ATP6V1C1: variants seen among roughly 807,000 people sequenced by gnomAD.
ATP6V1C1 encodes V-type proton ATPase subunit C 1.
In ATP6V1C1, 45 loss-of-function variants were observed where a neutral mutation model predicts 53.9. The observed-to-expected ratio is 0.83, with a 90% CI of 0.66 to 1.07. The LOEUF (loss-of-function observed/expected upper bound fraction) is 1.07. ATP6V1C1 is among the 50% of genes least tolerant of loss of function. ATP6V1C1 has a pLI of 0.00. For missense variants in ATP6V1C1, 315 were observed against 440.3 expected (o/e 0.72, Z 2.55); for synonymous variants, 153 against 155.2 (o/e 0.99, Z 0.11).
rs751801442 is a variant in ATP6V1C1, at chr8:103,067,396, CAA to C, written c.1053+968_1053+969del. Among the ~76,000 whole-genome samples, 308 of 71,924 alleles carry C rather than the reference CAA, an allele frequency of 4.3e-3. 1 individual carries two copies. Among genetic ancestry groups the C allele is most frequent in the Non-Finnish European group, 7.3e-3 (249 of 34,052 alleles). The allele number at this position is 71,924 out of a possible 152,430, so 47.2% of individuals were successfully genotyped here. ...TGGGTGACAGAGGGAGACTCCGTCCCAAAAAAAAAAAAAAAAAAAATTGTAGT... is the reference window on the plus strand; with the variant it reads ...TGGGTGACAGAGGGAGACTCCGTCCCAAAAAAAAAAAAAAAAAATTGTAGT... On this transcript the variant is annotated intron_variant, in intron 12 of 12. Coordinates refer to ENST00000518738, the MANE Select transcript of ATP6V1C1 (RefSeq NM_001695.5).
chr8:103,030,371 CAG>C (rs1226751839), intron 1 of ATP6V1C1, among the ~76,000 whole-genome samples: 7 of 152,206 alleles, frequency 4.6e-5, no homozygotes, highest in African/African-American at 1.7e-4. Context: ...TAGAAACAAT[CAG>C]AACAATTAGA....
chr8:103,051,561 C>T (rs1003956715), intron 5 of ATP6V1C1, among the ~76,000 whole-genome samples: 1 of 151,808 alleles, frequency 6.6e-6, no homozygotes, highest in Non-Finnish European at 1.5e-5. Flanking sequence ...ATTCTCTGAC[C>T]CCTTCGGACT....
At chr8:103,034,477 C>T (rs189578907) in intron 1 of ATP6V1C1, among the ~76,000 whole-genome samples, 102 of 152,134 alleles carry the variant, frequency 6.7e-4, no homozygotes, top group Admixed American at 1.3e-3. Flanking sequence ...AATATGGATT[C>T]CATTTTCCGA....
chr8:103,037,862 A>G (rs1351058186), intron 1 of ATP6V1C1, among the ~76,000 whole-genome samples: 2 of 152,154 alleles, frequency 1.3e-5, no homozygotes, highest in African/African-American at 2.4e-5. Flanking sequence ...TCTCCTATGC[A>G]TATTTTAGTA....
intron 1 of ATP6V1C1, among the ~76,000 whole-genome samples, chr8:103,025,719 A>G (rs921119169): frequency 1.3e-5 from 2 of 152,200 alleles, no homozygotes; most frequent in Non-Finnish European, 2.9e-5. Flanking sequence ...GGGGGTGGTG[A>G]TAACACATCT....
chr8:103,067,294 G>T (rs111934342), intron 12 of ATP6V1C1, among the ~76,000 whole-genome samples: 12,443 of 151,180 alleles, frequency 0.082, 682 homozygotes, highest in Non-Finnish European at 0.11. Flanking sequence ...AGCTACTCGG[G>T]AGCCTGAGGC....
At chr8:103,052,588 C>T (rs1817219377) in intron 5 of ATP6V1C1, 143 bp from the exon 6 acceptor site, 5 of 397,790 alleles carry the variant, frequency 1.3e-5, no homozygotes, top group Admixed American at 4.4e-5. Context: ...CTCCTAAAGT[C>T]GTGCTTTTAA....
At chr8:103,022,790 T>C (rs563109636) in intron 1 of ATP6V1C1, among the ~76,000 whole-genome samples, 21 of 152,098 alleles carry the variant, frequency 1.4e-4, no homozygotes, top group Non-Finnish European at 2.4e-4. Context: ...GGCTCGTGAC[T>C]ATAATCCCAA....
At chr8:103,051,581 T>C (rs1406858802) in intron 5 of ATP6V1C1, among the ~76,000 whole-genome samples, 1 of 152,132 alleles carries the variant, frequency 6.6e-6, no homozygotes, top group Non-Finnish European at 1.5e-5. Context: ...TATTTAGTTT[T>C]GATCCTCTGC....
Position 103,059,962 on chromosome 8 carries a change from TTTTC to T in ATP6V1C1, c.642-2981_642-2978del, listed in dbSNP as rs1294073270. ...AGCCATATATGTATATATATATTGTTTTTCTTTCTTTCTTTTTTTTTTTTTTTGA... is the reference window on the plus strand; with the variant it reads ...AGCCATATATGTATATATATATTGTTTTTCTTTCTTTTTTTTTTTTTTTGA... On this transcript the variant is annotated intron_variant, in intron 8 of 12. Transcript: ENST00000518738. 8.6e-5 allele frequency among the ~76,000 whole-genome samples: 13 copies of T among 151,222 alleles called. 1 individual carries two copies. Among genetic ancestry groups the T allele is most frequent in the Admixed American group, 2.6e-4 (4 of 15,162 alleles).
At position 103,068,791 on chromosome 8, in the gene ATP6V1C1, T is replaced by A; in HGVS notation, c.*44T>A. On this transcript the variant is annotated 3_prime_UTR_variant, in exon 13 of 13. Coordinates refer to ENST00000518738, the MANE Select transcript of ATP6V1C1 (RefSeq NM_001695.5). ...ACAATCCTGTCCTTGTGTTTGTGTG[T>A]GCTAACAGAAATAAGTTGCAGTATG... 1 of 1,524,352 alleles carries A rather than the reference T, an allele frequency of 6.6e-7. No homozygotes were observed. Among genetic ancestry groups the A allele is most frequent in the East Asian group, 2.3e-5 (1 of 43,690 alleles). The allele number at this position is 1,524,352 out of a possible 1,614,324, so 94.4% of individuals were successfully genotyped here. A position where few individuals can be genotyped will look rare whatever the true frequency, so the allele number is the denominator to read the frequency against.
intron 3 of ATP6V1C1, among the ~76,000 whole-genome samples, chr8:103,047,413 A>G (rs72669337): frequency 0.087 from 11,616 of 133,064 alleles, 620 homozygotes; most frequent in Non-Finnish European, 0.12. Flanking sequence ...TCTTAAAAAA[A>G]AAAAAAAAAT....
intron 1 of ATP6V1C1, among the ~76,000 whole-genome samples, chr8:103,021,915 C>A (rs1816602508): frequency 6.6e-6 from 1 of 152,108 alleles, no homozygotes; most frequent in African/African-American, 2.4e-5. Flanking sequence ...GTATTCTTTT[C>A]AGAGGAAAAT....
intron 10 of ATP6V1C1, 87 bp downstream of exon 10, chr8:103,063,315 TCTG>T (rs1340077916): frequency 4.5e-6 from 4 of 893,608 alleles, no homozygotes; most frequent in Non-Finnish European, 6.6e-6. Flanking sequence ...AAAGTAAAAA[TCTG>T]CTTTGGTTTT....
At chr8:103,067,176 A>G (rs896778695) in intron 12 of ATP6V1C1, among the ~76,000 whole-genome samples, 1 of 151,590 alleles carries the variant, frequency 6.6e-6, no homozygotes, top group African/African-American at 2.4e-5. Context: ...AGGCGGGGGG[A>G]TCACCTTAAG....
intron 12 of ATP6V1C1, among the ~76,000 whole-genome samples, chr8:103,067,516 G>A (rs984184229): frequency 6.6e-6 from 1 of 150,826 alleles, no homozygotes; most frequent in Non-Finnish European, 1.5e-5. Context: ...TCTCACATAG[G>A]CATTAATTAG....
At position 103,040,826 on chromosome 8, in the gene ATP6V1C1, T is replaced by C; in HGVS notation, c.-11T>C. The C allele has an allele frequency of 1.2e-6, 2 of 1,609,234 alleles. No homozygotes were observed. The highest frequency in any genetic ancestry group is 2.2e-5 in the South Asian group (2 of 89,864). ...CTCTCTTGATTTTTGAGGAAATACC[T>C]AGTAACAAACATGACTGAGTTCTGG... On this transcript the variant is annotated 5_prime_UTR_variant, in exon 2 of 13. Coordinates refer to ENST00000518738, the MANE Select transcript of ATP6V1C1 (RefSeq NM_001695.5).
intron 3 of ATP6V1C1, among the ~76,000 whole-genome samples, chr8:103,047,692 C>G (rs928737549): frequency 6.6e-6 from 1 of 152,204 alleles, no homozygotes; most frequent in Non-Finnish European, 1.5e-5. Flanking sequence ...TTCCATCAGT[C>G]TGGACTTCTC....
intron 10 of ATP6V1C1, among the ~76,000 whole-genome samples, chr8:103,064,060 G>A (rs926595876): frequency 2.0e-5 from 3 of 152,076 alleles, no homozygotes; most frequent in Admixed American, 6.5e-5. Flanking sequence ...TAATTGTTTG[G>A]TACATCCAAA....
Sources: gnomAD v4.1 joint callset for allele counts (sites outside exome capture counted in the v4.1 genomes callset) on GRCh38, gnomAD v4.1.1 for gene constraint, MANE v1.5 for transcripts, NCBI Gene and HGNC (gene_info 2026-07-23, HGNC 2026-07-21) for gene names.